Variants in DNM3 observed in about 807,000 individuals in gnomAD.
The protein encoded by DNM3 is dynamin-3.
DNM3 carries 47 observed loss-of-function variants against 101.6 expected under a neutral mutation model. The observed-to-expected ratio is 0.46, with a 90% CI of 0.37 to 0.59. The LOEUF is 0.59. DNM3 is among the 20% of genes least tolerant of loss of function. The pLI, the probability that DNM3 is intolerant of heterozygous loss-of-function variation, is 0.00. For synonymous variants in DNM3, 385 were observed against 387.9 expected, an observed-to-expected ratio of 0.99 and a Z score of 0.09; for missense variants, 849 against 1,085.7, an observed-to-expected ratio of 0.78 and a Z score of 3.06.
intron 13 of DNM3, among the ~76,000 whole-genome samples, chr1:172,130,350 T>C (rs2056868547): frequency 6.6e-6 from 1 of 152,130 alleles, no homozygotes; most frequent in Non-Finnish European, 1.5e-5. Context: ...GCCCTCTGGA[T>C]AACAGAATTT....
intron 15 of DNM3, among the ~76,000 whole-genome samples, chr1:172,262,586 TC>T (rs1307112293): frequency 1.3e-5 from 2 of 152,154 alleles, no homozygotes; most frequent in Admixed American, 1.3e-4. Context: ...CTGAACTGTT[TC>T]CCTCTCCTTT....
intron 2 of DNM3, among the ~76,000 whole-genome samples, chr1:171,965,867 T>C (rs765860478): frequency 1.3e-5 from 2 of 152,152 alleles, no homozygotes; most frequent in Non-Finnish European, 2.9e-5. Context: ...ATTCCAACTT[T>C]CTAGTCATGT....
At chr1:172,171,408 C>T (rs554019) in intron 14 of DNM3, among the ~76,000 whole-genome samples, 73,805 of 151,556 alleles carry the variant, frequency 0.49, 19,560 homozygotes, top group African/African-American at 0.7. Context: ...ATAGTTTTTG[C>T]ATTAGAAGGC....
At chr1:172,165,578 C>T (rs139497799) in intron 14 of DNM3, among the ~76,000 whole-genome samples, 92 of 152,106 alleles carry the variant, frequency 6.0e-4, no homozygotes, top group African/African-American at 2.2e-3. Context: ...CCAAACTGGG[C>T]TCCTCCCTGA....
chr1:171,937,278 GT>G lies in DNM3; in HGVS notation c.235+15468del, dbSNP rs370590393. 6.1e-3 allele frequency among the ~76,000 whole-genome samples: 893 copies of G among 147,042 alleles called. 6 individuals carry two copies. Among genetic ancestry groups the G allele is most frequent in the East Asian group, 0.031 (156 of 5,096 alleles). On this transcript the variant is annotated intron_variant, in intron 2 of 20. Coordinates refer to ENST00000627582, the MANE Select transcript of DNM3 (RefSeq NM_015569.5). ...TAATCTGCTTTTGCAAAGGATTTAT[GT>G]TTTTTTTTTTCCATTGTAACAAATT...
chr1:171,978,635 G>A (rs1362929783), intron 2 of DNM3, among the ~76,000 whole-genome samples: 1 of 152,186 alleles, frequency 6.6e-6, no homozygotes, highest in Non-Finnish European at 1.5e-5. Context: ...CAGGGGAGAA[G>A]CATGATGTGA....
chr1:172,253,532 C>G, intron 14 of DNM3, 41 bp from the exon 15 acceptor site: 1 of 860,094 alleles, frequency 1.2e-6, no homozygotes, highest in Non-Finnish European at 1.7e-6. Context: ...CTCCTCTCCT[C>G]TCCTCTCCTC....
At chr1:172,041,299 G>A (rs1471560134) in intron 7 of DNM3, among the ~76,000 whole-genome samples, 3 of 152,138 alleles carry the variant, frequency 2.0e-5, no homozygotes, top group Admixed American at 1.3e-4. Context: ...GGAAAGGGAG[G>A]TATGCTGGAT....
chr1:172,086,974 G>A (rs1159710726), intron 12 of DNM3, among the ~76,000 whole-genome samples: 3 of 152,122 alleles, frequency 2.0e-5, no homozygotes, highest in African/African-American at 7.2e-5. Flanking sequence ...TTTCCTTAAT[G>A]CATCTGAGCC....
chr1:172,166,025 C>G (rs1368141630), intron 14 of DNM3, among the ~76,000 whole-genome samples: 1 of 152,044 alleles, frequency 6.6e-6, no homozygotes, highest in Non-Finnish European at 1.5e-5. Flanking sequence ...TAGAGGGTCT[C>G]TCTTCCGAGA....
chr1:172,052,768 T>C (rs1307758108), intron 10 of DNM3, among the ~76,000 whole-genome samples: 1 of 152,150 alleles, frequency 6.6e-6, no homozygotes, highest in Non-Finnish European at 1.5e-5. Flanking sequence ...CCACAGAGCT[T>C]ACTCCTGGTT....
At chr1:172,349,577 A>T (rs2067106114) in intron 17 of DNM3, among the ~76,000 whole-genome samples, 1 of 152,204 alleles carries the variant, frequency 6.6e-6, no homozygotes, top group Admixed American at 6.5e-5. Flanking sequence ...GTTAATAAGA[A>T]AATAATTATA....
At chr1:172,225,776 A>G (rs189563758) in intron 14 of DNM3, among the ~76,000 whole-genome samples, 168 of 152,026 alleles carry the variant, frequency 1.1e-3, no homozygotes, top group African/African-American at 3.8e-3. Context: ...AAAAATTCCA[A>G]CATCTTATCT....
chr1:172,153,955 T>C (rs994009432), intron 14 of DNM3, among the ~76,000 whole-genome samples: 3 of 152,104 alleles, frequency 2.0e-5, no homozygotes, highest in Non-Finnish European at 4.4e-5. Context: ...CCAAAGAATA[T>C]TGCATACCAA....
At position 172,032,433 on chromosome 1, in the gene DNM3, G is replaced by A. The variant is rs756497504; in HGVS notation, c.621G>A (p.Leu207=). 3.1e-6 allele frequency: 5 copies of A among 1,612,358 alleles called. No individual in the cohort carries two copies. In the Admixed American group the frequency reaches 8.3e-5, roughly 27 times the overall value. The change falls in exon 5 of 21, where the codon CTG becomes CTA. Residue 207 remains leucine (L), a synonymous_variant. Coordinates refer to ENST00000627582, the MANE Select transcript of DNM3 (RefSeq NM_015569.5). ...GAACCATTGGAGTTATCACCAAACT[G>A]GACCTTATGGATGAAGGAACGGATG... ...GLRTIGVITK[L]DLMDEGTDAR...
intron 14 of DNM3, among the ~76,000 whole-genome samples, chr1:172,170,872 G>T (rs2058931649): frequency 6.6e-6 from 1 of 151,672 alleles, no homozygotes; most frequent in Non-Finnish European, 1.5e-5. Context: ...TGAGTTTCTA[G>T]GGGTCATGCC....
intron 6 of DNM3, among the ~76,000 whole-genome samples, chr1:172,035,210 A>G (rs757515853): frequency 6.6e-6 from 1 of 152,134 alleles, no homozygotes; most frequent in African/African-American, 2.4e-5. Context: ...AGTCACCAAG[A>G]TGGGGAACCC....
At chr1:172,328,496 C>A (rs2066035752) in intron 17 of DNM3, among the ~76,000 whole-genome samples, 1 of 152,090 alleles carries the variant, frequency 6.6e-6, no homozygotes, top group South Asian at 2.1e-4. Flanking sequence ...GAGCTGGAGG[C>A]CGTTATTCTA....
intron 1 of DNM3, among the ~76,000 whole-genome samples, chr1:171,877,157 G>T (rs2035858340): frequency 6.6e-6 from 1 of 152,010 alleles, no homozygotes; most frequent in South Asian, 2.1e-4. Context: ...TGAAACCATG[G>T]GAATAAATTA....
Sources: gnomAD v4.1 joint callset for allele counts (sites outside exome capture counted in the v4.1 genomes callset) on GRCh38, gnomAD v4.1.1 for gene constraint, MANE v1.5 for transcripts, NCBI Gene and HGNC (gene_info 2026-07-23, HGNC 2026-07-21) for gene names.